DDX60L: variants seen among roughly 807,000 people sequenced by gnomAD.
DDX60L encodes probable ATP-dependent RNA helicase DDX60-like.
A neutral mutation model predicts 211.6 loss-of-function variants in DDX60L; 191 were observed. The observed-to-expected ratio is 0.90, with a 90% CI of 0.80 to 1.02. The LOEUF is 1.02. Among genes scored for constraint, DDX60L ranks in the 50% least tolerant of loss-of-function variants. The pLI is 0.00. For synonymous variants in DDX60L, 706 were observed against 694.1 expected, an observed-to-expected ratio of 1.02 and a Z score of -0.27; for missense variants, 2,007 against 1,984.1, an observed-to-expected ratio of 1.01 and a Z score of -0.22.
At chr4:168,479,388 C>T (rs377222400) in intron 1 of DDX60L, among the ~76,000 whole-genome samples, 21 of 152,266 alleles carry the variant, frequency 1.4e-4, no homozygotes, top group African/African-American at 4.3e-4. Flanking sequence ...CAGGAGAACA[C>T]TCGAAATCAT....
chr4:168,423,503 C>T (rs1750972064), intron 15 of DDX60L, 105 bp downstream of exon 15: 1 of 746,120 alleles, frequency 1.3e-6, no homozygotes, highest in African/African-American at 1.9e-5. Flanking sequence ...TAAACATAGT[C>T]AATTGATAAC....
In DDX60L at chr4:168,357,062, G is replaced by A. The variant is rs1417553147; in HGVS notation, c.*1085C>T. On this transcript the variant is annotated 3_prime_UTR_variant, in exon 38 of 38. Coordinates refer to ENST00000682922, the MANE Select transcript of DDX60L (RefSeq NM_001012967.3). ...GGTTGCTGTTTGTTCCCTTATGTTT[G>A]TTTGTATGCTTGTTTTTTAAGTATG... The A allele has an allele frequency of 6.6e-6, 1 of 152,070 alleles. No individual in the cohort carries two copies. The highest frequency in any genetic ancestry group is 1.9e-4 in the East Asian group (1 of 5,194). The allele number at this position is 152,070 out of a possible 1,614,324, so 9.4% of individuals were successfully genotyped here. A position where few individuals can be genotyped will look rare whatever the true frequency, so the allele number is the denominator to read the frequency against.
In DDX60L at chr4:168,461,782, A is replaced by G. The variant is rs2150101439; in HGVS notation, c.523T>C (p.Ser175Pro). ...SWGMKVNVVL[S>P]SGHESDTLRF... is the part of the protein sequence containing the mutation. ...AGAGTATCAGATTCATGCCCTGATG[A>G]AAGCACAACATTGACTTTCATTCCC... Residue 175 changes from serine (S) to proline (P), a missense_variant, in exon 5 of 38, where the codon TCA becomes CCA. Coordinates refer to ENST00000682922, the MANE Select transcript of DDX60L (RefSeq NM_001012967.3). 6.2e-7 allele frequency: 1 copy of G among 1,604,512 alleles called. No homozygotes were observed. The highest frequency in any genetic ancestry group is 1.3e-5 in the African/African-American group (1 of 74,944).
At position 168,379,446 on chromosome 4, in the gene DDX60L, T is replaced by A; in HGVS notation, c.4280A>T (p.His1427Leu). 6.2e-7 allele frequency: 1 copy of A among 1,601,310 alleles called. No individual in the cohort carries two copies. Among genetic ancestry groups the A allele is most frequent in the African/African-American group, 1.3e-5 (1 of 74,366 alleles). Reference protein sequence around the residue: ...KKFAGLASYLHGHEPSNLVFV... With the variant: ...KKFAGLASYLLGHEPSNLVFV... ...AACAAGATTTGAAGGTTCATGACCATGCAAATATGATGCAAGTCCTGCAAA... is the reference window on the plus strand; with the variant it reads ...AACAAGATTTGAAGGTTCATGACCAAGCAAATATGATGCAAGTCCTGCAAA... The change falls in exon 32 of 38, where the codon CAT (histidine) becomes CTT (leucine). Residue 1427 changes from histidine to leucine, a missense_variant. Transcript: ENST00000682922.
At chr4:168,457,415 T>G (rs1294707765) in intron 6 of DDX60L, among the ~76,000 whole-genome samples, 1 of 149,404 alleles carries the variant, frequency 6.7e-6, no homozygotes, top group Admixed American at 6.7e-5. Context: ...AACTTTCTTA[T>G]GCAACCACCT....
At chr4:168,394,328 A>C (rs942672728) in intron 28 of DDX60L, 137 bp downstream of exon 28, 2 of 565,816 alleles carry the variant, frequency 3.5e-6, no homozygotes, top group Non-Finnish European at 6.0e-6. Flanking sequence ...TAGATGGAGC[A>C]GTCCAGTCCA....
rs187365264 is a variant in DDX60L at position 168,408,698 on chromosome 4, T to C, written c.2980-1992A>G. Reference sequence around the variant, plus strand: ...GAACTACACAGAAAGAGACAGACAGTAGTTCTTTCGAGGACTGCCTGGTGC... The same window carrying C: ...GAACTACACAGAAAGAGACAGACAGCAGTTCTTTCGAGGACTGCCTGGTGC... On this transcript the variant is annotated intron_variant, in intron 22 of 37. Transcript: ENST00000682922. 4.6e-5 allele frequency among the ~76,000 whole-genome samples: 7 copies of C among 152,296 alleles called. No homozygotes were observed. In the East Asian group the frequency reaches 1.4e-3, roughly 29 times the overall value.
chr4:168,458,219 T>C (rs1756853698), intron 5 of DDX60L, among the ~76,000 whole-genome samples: 1 of 152,110 alleles, frequency 6.6e-6, no homozygotes, highest in African/African-American at 2.4e-5. Context: ...ATGAAATTAG[T>C]TCAACCATTA....
intron 36 of DDX60L, among the ~76,000 whole-genome samples, chr4:168,367,296 T>A (rs866487592): frequency 4.5e-4 from 69 of 152,078 alleles, no homozygotes; most frequent in African/African-American, 1.5e-3. Context: ...TGAGGGCGGG[T>A]CTTTTCTGCA....
intron 6 of DDX60L, 96 bp downstream of exon 6, chr4:168,457,796 C>T: frequency 1.6e-6 from 1 of 633,226 alleles, no homozygotes; most frequent in East Asian, 2.8e-5. Context: ...TATATGGCAC[C>T]CTTTAGTCTG....
intron 4 of DDX60L, among the ~76,000 whole-genome samples, chr4:168,463,941 A>G (rs1378763688): frequency 6.6e-6 from 1 of 152,206 alleles, no homozygotes; most frequent in Non-Finnish European, 1.5e-5. Flanking sequence ...ATATAGATCA[A>G]TCCAAATAAG....
chr4:168,366,945 ATATAT>A (rs898639590), intron 36 of DDX60L, among the ~76,000 whole-genome samples: 2 of 151,916 alleles, frequency 1.3e-5, no homozygotes, highest in Non-Finnish European at 2.9e-5. Flanking sequence ...TTATATGTTA[ATATAT>A]TATATGCTAT....
Position 168,421,856 on chromosome 4 carries a change from T to C in DDX60L, c.2298A>G (p.Pro766=). Residue 766 remains proline, a synonymous_variant, in exon 17 of 38, where the codon CCA becomes CCG. Transcript: ENST00000682922. ...AAGCATAGGTTTTGCCTGAGGACGT[T>C]GGGGCAACAATCACTGCTGACTCAT... ...DKNESAVIVA[P]TSSGKTYASY... 7 of 1,614,178 alleles carry C rather than the reference T, an allele frequency of 4.3e-6. No homozygotes were observed. The highest frequency in any genetic ancestry group is 5.1e-6 in the Non-Finnish European group (6 of 1,180,020).
At chr4:168,376,293 A>C (rs1202792313) in intron 33 of DDX60L, among the ~76,000 whole-genome samples, 1 of 152,210 alleles carries the variant, frequency 6.6e-6, no homozygotes, top group South Asian at 2.1e-4. Flanking sequence ...GGTAAAGATA[A>C]TACAATATGA....
At chr4:168,469,429 T>A (rs1561138425) in intron 4 of DDX60L, 1 of 152,218 alleles carries the variant, frequency 6.6e-6, no homozygotes, top group African/African-American at 2.4e-5. Flanking sequence ...TGAAACTACA[T>A]ACTTCTAGAA....
intron 31 of DDX60L, 21 bp from the exon 32 acceptor site, chr4:168,379,525 G>A (rs1022458020): frequency 1.3e-6 from 2 of 1,518,768 alleles, no homozygotes; most frequent in African/African-American, 1.4e-5. Flanking sequence ...GAAACAAAAA[G>A]TTGATTTAAC....
At chr4:168,479,026 A>G (rs923336155) in intron 1 of DDX60L, among the ~76,000 whole-genome samples, 6 of 152,244 alleles carry the variant, frequency 3.9e-5, no homozygotes, top group Admixed American at 6.5e-5. Flanking sequence ...CAAGAAAAGC[A>G]TACCAGTATG....
At chr4:168,425,193 A>T (rs915615942) in intron 14 of DDX60L, among the ~76,000 whole-genome samples, 1 of 152,200 alleles carries the variant, frequency 6.6e-6, no homozygotes, top group Non-Finnish European at 1.5e-5. Flanking sequence ...TTTTTAAGCC[A>T]TTATTAATTC....
At chr4:168,426,126 G>A (rs891484768) in intron 14 of DDX60L, among the ~76,000 whole-genome samples, 1 of 152,060 alleles carries the variant, frequency 6.6e-6, no homozygotes, top group African/African-American at 2.4e-5. Context: ...GGTGCTATTG[G>A]GCATCTATTC....
Sources: gnomAD v4.1 joint callset for allele counts (sites outside exome capture counted in the v4.1 genomes callset) on GRCh38, gnomAD v4.1.1 for gene constraint, MANE v1.5 for transcripts, NCBI Gene and HGNC (gene_info 2026-07-23, HGNC 2026-07-21) for gene names.